FBN2: variants seen among roughly 807,000 people sequenced by gnomAD.
The protein encoded by FBN2 is fibrillin 2, also known as fibrillin-2.
In FBN2, 105 loss-of-function variants were observed where a neutral mutation model predicts 355.6. The ratio of observed to expected loss-of-function variants is 0.30; its 90% CI spans 0.25 to 0.35. The LOEUF (loss-of-function observed/expected upper bound fraction) is 0.35, where lower values mean the gene tolerates loss of function less well. FBN2 is among the 10% of genes least tolerant of loss of function. The pLI, the probability that FBN2 is intolerant of heterozygous loss-of-function variation, is 1.00. For missense variants in FBN2, 3,280 were observed against 3,758.7 expected (o/e 0.87, Z 3.33); for synonymous variants, 1,350 against 1,301.2 (o/e 1.04, Z -0.81).
chr5:128,303,479 A>T (rs1205623742), intron 45 of FBN2, among the ~76,000 whole-genome samples: 1 of 152,228 alleles, frequency 6.6e-6, no homozygotes, highest in Non-Finnish European at 1.5e-5. Flanking sequence ...AGAAATTTAA[A>T]TCCCTTAATT....
intron 25 of FBN2, among the ~76,000 whole-genome samples, chr5:128,342,383 G>T (rs1009716265): frequency 6.6e-5 from 10 of 152,036 alleles, no homozygotes; most frequent in African/African-American, 2.4e-4. Flanking sequence ...AAGATGTTTT[G>T]CAAGAGTAGA....
intron 7 of FBN2, among the ~76,000 whole-genome samples, chr5:128,429,427 T>C (rs1220013944): frequency 2.6e-5 from 4 of 152,198 alleles, no homozygotes; most frequent in Admixed American, 6.5e-5. Flanking sequence ...ATTTTAATTA[T>C]CTTCTTAAAG....
intron 5 of FBN2, among the ~76,000 whole-genome samples, chr5:128,493,981 A>G (rs1323841062): frequency 3.3e-5 from 5 of 149,782 alleles, no homozygotes; most frequent in Admixed American, 3.3e-4. Context: ...TCAATGTAAG[A>G]CATGTCATAT....
chr5:128,516,965 A>G (rs963041357), intron 5 of FBN2, among the ~76,000 whole-genome samples: 1 of 152,208 alleles, frequency 6.6e-6, no homozygotes, highest in East Asian at 1.9e-4. Flanking sequence ...AAAGAAATGA[A>G]GCTTTAGAAC....
intron 8 of FBN2, among the ~76,000 whole-genome samples, chr5:128,407,642 T>G (rs756380626): frequency 4.6e-5 from 7 of 152,218 alleles, no homozygotes; most frequent in Non-Finnish European, 1.0e-4. Context: ...GAAGGCAGGA[T>G]TTGTATCTCT....
chr5:128,312,602 G>T lies in FBN2; in HGVS notation c.4879+32C>A, dbSNP rs191306779. On this transcript the variant is annotated intron_variant, in intron 37 of 64. Transcript: ENST00000262464. The stretch of plus-strand genomic sequence containing the variant: ...GCAACAAATCTTTAGATACCAGTTG[G>T]TTTTCTTCCTCTTCTTCAGCTTTGT... 6.8e-6 allele frequency: 11 copies of T among 1,613,138 alleles called. No individual in the cohort carries two copies. In the South Asian group the frequency reaches 1.2e-4, roughly 18 times the overall value.
rs916933775 is a variant in FBN2 at position 128,377,512 on chromosome 5, A to G, written c.1849+240T>C. Among the ~76,000 whole-genome samples the G allele has an allele frequency of 4.6e-5, 7 of 151,814 alleles. No homozygotes were observed. The East Asian group carries it at 1.4e-3, about 29-fold the overall frequency. On this transcript the variant is annotated intron_variant, in intron 13 of 64. Coordinates refer to ENST00000262464, the MANE Select transcript of FBN2 (RefSeq NM_001999.4). ...ACACAGGAAATTTTTAGAAGCAGTA[A>G]ATTATTCACTGTTATAACATCTCCT... is the stretch of plus-strand genomic sequence containing the variant.
At chr5:128,454,690 G>A (rs899448669) in intron 6 of FBN2, among the ~76,000 whole-genome samples, 1 of 152,202 alleles carries the variant, frequency 6.6e-6, no homozygotes, top group Non-Finnish European at 1.5e-5. Context: ...TGTTTCTGGT[G>A]CACTAACGCC....
chr5:128,358,341 T>C (rs1751556588), intron 19 of FBN2, among the ~76,000 whole-genome samples: 2 of 152,070 alleles, frequency 1.3e-5, no homozygotes, highest in African/African-American at 4.8e-5. Flanking sequence ...CTGAAAGAGG[T>C]CAATAGTCCT....
intron 7 of FBN2, among the ~76,000 whole-genome samples, chr5:128,436,556 T>C (rs1278373747): frequency 6.6e-6 from 1 of 151,964 alleles, no homozygotes; most frequent in Non-Finnish European, 1.5e-5. Context: ...ATTGTCTATT[T>C]TATATGGAGA....
intron 48 of FBN2, among the ~76,000 whole-genome samples, chr5:128,298,711 T>C (rs1307148793): frequency 2.6e-5 from 4 of 152,194 alleles, no homozygotes; most frequent in South Asian, 2.1e-4. Flanking sequence ...CACTTCTCTG[T>C]ATTGGTTATT....
chr5:128,414,763 A>C (rs911807004), intron 7 of FBN2, among the ~76,000 whole-genome samples: 5 of 152,120 alleles, frequency 3.3e-5, no homozygotes, highest in Non-Finnish European at 5.9e-5. Context: ...TATATGAGGG[A>C]GTCCTTCATA....
chr5:128,273,752 T>C (rs1172546790), intron 61 of FBN2, 88 bp downstream of exon 61: 1 of 1,397,518 alleles, frequency 7.2e-7, no homozygotes, highest in Non-Finnish European at 1.0e-6. Flanking sequence ...TTTTTCTTTT[T>C]TTCAGATTAT....
At chr5:128,526,998 T>A (rs561409785) in intron 4 of FBN2, among the ~76,000 whole-genome samples, 231 of 152,196 alleles carry the variant, frequency 1.5e-3, no homozygotes, top group Non-Finnish European at 2.0e-3. Flanking sequence ...GGTTTTTCTA[T>A]GTTTAAAAAA....
At chr5:128,260,594 A>T (rs568218738) in intron 64 of FBN2, among the ~76,000 whole-genome samples, 6 of 152,236 alleles carry the variant, frequency 3.9e-5, no homozygotes, top group African/African-American at 1.2e-4. Context: ...TAGTACCCCA[A>T]TGGGAAAGTT....
At chr5:128,348,486 TATA>T (rs759276756) in intron 23 of FBN2, among the ~76,000 whole-genome samples, 37 of 152,252 alleles carry the variant, frequency 2.4e-4, no homozygotes, top group Admixed American at 1.4e-3. Flanking sequence ...CTGTTTTAAT[TATA>T]ATAACTGTAT....
intron 11 of FBN2, among the ~76,000 whole-genome samples, chr5:128,385,329 T>A (rs1055321251): frequency 5.9e-5 from 9 of 152,170 alleles, no homozygotes; most frequent in Admixed American, 5.9e-4. Context: ...GTGTCTGTGT[T>A]AATTCATTTA....
chr5:128,275,713 A>T (rs1765378100), intron 59 of FBN2, among the ~76,000 whole-genome samples: 1 of 152,168 alleles, frequency 6.6e-6, no homozygotes, highest in Non-Finnish European at 1.5e-5. Context: ...AGAGAAATAA[A>T]AGCTTAGATA....
chr5:128,323,850 T>C (rs555542071), intron 34 of FBN2, among the ~76,000 whole-genome samples: 1 of 152,340 alleles, frequency 6.6e-6, no homozygotes, highest in African/African-American at 2.4e-5. Context: ...TTTGGAATAG[T>C]TTCAGAAGGA....
Sources: allele counts gnomAD v4.1 joint callset (sites outside exome capture counted in the v4.1 genomes callset), GRCh38; gene constraint gnomAD v4.1.1; transcripts MANE v1.5; gene names NCBI Gene and HGNC (gene_info 2026-07-23, HGNC 2026-07-21).